The following TCERG1 variants were observed in gnomAD, a reference collection of about 807,000 sequenced individuals.
TCERG1 encodes TATA box binding protein (TBP)-associated factor, RNA polymerase II, S, 150kD.
Under a neutral mutation model 144.7 loss-of-function variants are expected in TCERG1, and 37 were observed. The ratio of observed to expected loss-of-function variants is 0.26; its 90% CI spans 0.20 to 0.34. TCERG1 has a LOEUF of 0.34. TCERG1 is among the 10% of genes least tolerant of loss of function. TCERG1 has a pLI of 1.00. For missense variants in TCERG1, 1,027 were observed against 1,380.7 expected (o/e 0.74, Z 4.06); for synonymous variants, 492 against 458.2 (o/e 1.07, Z -0.94).
chr5:146,487,911 C>G (rs999995297), intron 15 of TCERG1, among the ~76,000 whole-genome samples: 30 of 151,918 alleles, frequency 2.0e-4, no homozygotes, highest in Non-Finnish European at 2.5e-4. Flanking sequence ...ACACATAGAC[C>G]AAAGGAACAG....
intron 19 of TCERG1, chr5:146,505,635 T>C (rs920368891): frequency 6.6e-6 from 1 of 152,224 alleles, no homozygotes; most frequent in Non-Finnish European, 1.5e-5. Context: ...CGCTCAAGTA[T>C]CTCTTCTGTG....
chr5:146,467,539 A>T (rs1290629858), intron 5 of TCERG1, among the ~76,000 whole-genome samples: 1 of 152,150 alleles, frequency 6.6e-6, no homozygotes, highest in Non-Finnish European at 1.5e-5. Context: ...TCTTCTAAGA[A>T]CTGTACATAA....
chr5:146,501,300 C>T (rs1767424275), intron 17 of TCERG1, among the ~76,000 whole-genome samples: 1 of 151,800 alleles, frequency 6.6e-6, no homozygotes, highest in Non-Finnish European at 1.5e-5. Context: ...TGGTAAATGA[C>T]ATTTTTTTGA....
At chr5:146,477,877 A>T (rs960414608) in intron 9 of TCERG1, among the ~76,000 whole-genome samples, 2 of 151,282 alleles carry the variant, frequency 1.3e-5, no homozygotes, top group African/African-American at 4.9e-5. Context: ...TTTAATTAAT[A>T]TTTTTTGTAG....
chr5:146,478,546 G>A lies in TCERG1; in HGVS notation c.1655G>A (p.Arg552His), dbSNP rs779452497. The change falls in exon 10 of 23, where the codon CGT (arginine) becomes CAT (histidine). Residue 552 changes from arginine (R) to histidine (H), a missense_variant. Arg to His is a conservative substitution (Grantham distance 29). This residue lies in a region of TCERG1 where 482 missense variants were observed against 632.6 expected (regional missense o/e 0.76). Coordinates refer to ENST00000679501, the MANE Select transcript of TCERG1 (RefSeq NM_001382548.1). The stretch of plus-strand genomic sequence containing the variant: ...GTCTTCTTTTATAATCCCACCACTC[G>A]TCTTTCTATGTGGGACCGACCTGAT... ...ERVFFYNPTT[R>H]LSMWDRPDDL... The A allele has an allele frequency of 8.7e-6, 14 of 1,611,086 alleles. No homozygotes were observed. Among genetic ancestry groups the A allele is most frequent in the Middle Eastern group, 3.3e-4 (2 of 6,072 alleles).
intron 10 of TCERG1, among the ~76,000 whole-genome samples, chr5:146,479,278 T>A (rs1437049425): frequency 2.0e-5 from 3 of 152,180 alleles, no homozygotes; most frequent in Admixed American, 6.5e-5. Context: ...AGAAGCAAGA[T>A]AAATGAATTA....
At chr5:146,487,448 C>G (rs139280897) in intron 15 of TCERG1, among the ~76,000 whole-genome samples, 433 of 152,112 alleles carry the variant, frequency 2.8e-3, no homozygotes, top group Middle Eastern at 6.8e-3. Flanking sequence ...CAGAATGTCA[C>G]TGGAAGAAAA....
intron 7 of TCERG1, 198 bp downstream of exon 7, chr5:146,469,942 T>C (rs904715675): frequency 2.4e-6 from 1 of 417,804 alleles, no homozygotes; most frequent in Non-Finnish European, 4.1e-6. Context: ...CATCATTTTT[T>C]TCCATCTGGA....
Position 146,503,911 on chromosome 5 carries a change from G to A in TCERG1, c.2686G>A (p.Ala896Thr), listed in dbSNP as rs1767708965. Residue 896 changes from alanine (A) to threonine (T), a missense_variant, in exon 19 of 23, where the codon GCC becomes ACC. Transcript: ENST00000679501. The stretch of plus-strand genomic sequence containing the variant: ...AGAACGAGAAAGGGAGGTTCAAAAG[G>A]CCCGTTCAGAACAAACAAAAGAAAT... ...LREREREVQK[A>T]RSEQTKEIDR... 3.1e-6 allele frequency: 5 copies of A among 1,613,462 alleles called. No individual in the cohort carries two copies. In the African/African-American group the frequency reaches 4.0e-5, roughly 13 times the overall value.
intron 19 of TCERG1, chr5:146,505,407 A>C (rs1767888263): frequency 6.6e-6 from 1 of 152,226 alleles, no homozygotes; most frequent in Non-Finnish European, 1.5e-5. Context: ...GGTCACATTT[A>C]GCCTCCTTAG....
intron 14 of TCERG1, among the ~76,000 whole-genome samples, chr5:146,483,183 G>A (rs1765514983): frequency 6.6e-6 from 1 of 152,146 alleles, no homozygotes; most frequent in East Asian, 1.9e-4. Flanking sequence ...AAGTAAAATT[G>A]TTCAATTTTA....
At chr5:146,477,933 G>A (rs1561668036) in intron 9 of TCERG1, among the ~76,000 whole-genome samples, 1 of 151,900 alleles carries the variant, frequency 6.6e-6, no homozygotes, top group African/African-American at 2.4e-5. Context: ...AAACTCCTGA[G>A]CTCAAGTGAT....
chr5:146,493,005 A>G lies in TCERG1; in HGVS notation c.2249A>G (p.Lys750Arg), dbSNP rs375302140. 8.1e-6 allele frequency: 13 copies of G among 1,606,578 alleles called. No homozygotes were observed. The African/African-American group carries it at 9.4e-5, about 12-fold the overall frequency. The change falls in exon 16 of 23, where the codon AAA (lysine) becomes AGA (arginine). Residue 750 changes from lysine (K) to arginine (R), a missense_variant. Around this residue, in one of 6 missense-constraint regions of TCERG1, gnomAD observed 482 missense variants for 632.6 expected, o/e 0.76. Transcript: ENST00000679501. ...NKIMQAKEDF[K>R]KMMEEAKFNP... ...ATAATGCAAGCCAAGGAAGATTTCA[A>G]AAAAATGATGGAAGAAGCAAAATTT...
chr5:146,478,678 C>T, intron 10 of TCERG1, 25 bp downstream of exon 10: 1 of 1,540,582 alleles, frequency 6.5e-7, no homozygotes, highest in South Asian at 1.3e-5. Context: ...AGGAATTTAT[C>T]CACTGATTTT....
At chr5:146,451,975 T>C (rs1762397903) in intron 1 of TCERG1, among the ~76,000 whole-genome samples, 1 of 151,358 alleles carries the variant, frequency 6.6e-6, no homozygotes, top group Admixed American at 6.6e-5. Flanking sequence ...TTTAATAGAC[T>C]CAGGGTTTTG....
chr5:146,478,984 C>A (rs1765097016), intron 10 of TCERG1, among the ~76,000 whole-genome samples: 2 of 151,948 alleles, frequency 1.3e-5, no homozygotes, highest in African/African-American at 4.8e-5. Flanking sequence ...CTTTTAGCAC[C>A]TTTTGTGACT....
intron 22 of TCERG1, 134 bp downstream of exon 22, chr5:146,509,379 G>T: frequency 1.8e-6 from 1 of 557,118 alleles, no homozygotes; most frequent in Non-Finnish European, 3.1e-6. Flanking sequence ...ACCAACTTCT[G>T]TCCAAAGTCA....
intron 9 of TCERG1, among the ~76,000 whole-genome samples, chr5:146,472,813 A>G (rs574601143): frequency 3.9e-4 from 59 of 152,114 alleles, no homozygotes; most frequent in African/African-American, 1.3e-3. Context: ...TCCTGGGTTC[A>G]AGCGATTCTT....
intron 1 of TCERG1, among the ~76,000 whole-genome samples, chr5:146,452,683 A>G (rs1441893483): frequency 6.6e-6 from 1 of 152,106 alleles, no homozygotes; most frequent in Non-Finnish European, 1.5e-5. Flanking sequence ...TCCACTTCCC[A>G]GGCTCAAGCA....
Sources: gnomAD v4.1 joint callset for allele counts (sites outside exome capture counted in the v4.1 genomes callset) on GRCh38, gnomAD v4.1.1 for gene constraint, gnomAD v4.1.1 regional missense constraint, MANE v1.5 for transcripts, NCBI Gene and HGNC (gene_info 2026-07-23, HGNC 2026-07-21) for gene names.